Variants in MCM8 observed in about 807,000 individuals in gnomAD.
MCM8 encodes the protein minichromosome maintenance 8 homologous recombination repair factor.
In MCM8, 85 loss-of-function variants were observed where a neutral mutation model predicts 98.9. The ratio of observed to expected loss-of-function variants is 0.86; its 90% CI spans 0.72 to 1.03. The LOEUF (loss-of-function observed/expected upper bound fraction) is 1.03. MCM8 is among the 50% of genes least tolerant of loss of function. The probability of loss-of-function intolerance (pLI) is 0.00; values close to 1 mark genes in which losing one functional copy is unlikely to be tolerated. For synonymous variants in MCM8, 352 were observed against 338.6 expected, an observed-to-expected ratio of 1.04 and a Z score of -0.44; for missense variants, 951 against 997.8, an observed-to-expected ratio of 0.95 and a Z score of 0.63.
rs1225494049 is a variant in MCM8, at chr20:5,998,916, T to C, written c.*4525T>C. On this transcript the variant is annotated 3_prime_UTR_variant, in exon 19 of 19. Coordinates refer to ENST00000610722, the MANE Select transcript of MCM8 (RefSeq NM_032485.6). The stretch of plus-strand genomic sequence containing the variant: ...CCTATTGAATTCCATCATCAGTTTT[T>C]CTATACCATGGAGTTACTTACCATG... 1.3e-5 allele frequency: 2 copies of C among 152,142 alleles called. No homozygotes were observed. The highest frequency in any genetic ancestry group is 2.9e-5 in the Non-Finnish European group (2 of 68,034). 9.4% of individuals were successfully genotyped at this position (152,142 alleles called of 1,614,324 possible).
intron 12 of MCM8, among the ~76,000 whole-genome samples, chr20:5,973,901 C>T (rs1173271868): frequency 6.6e-6 from 1 of 152,100 alleles, no homozygotes. Context: ...GTGATCCACC[C>T]ACCTTAACCT....
At chr20:5,953,716 G>A (rs548394322) in intron 3 of MCM8, among the ~76,000 whole-genome samples, 6 of 151,450 alleles carry the variant, frequency 4.0e-5, no homozygotes, top group African/African-American at 7.3e-5. Context: ...CTCGTTATCC[G>A]CCCGCCTCGG....
rs1473128568 is a variant in MCM8 at position 5,967,506 on chromosome 20, G to A, written c.946G>A (p.Val316Ile). The A allele has an allele frequency of 1.2e-6, 2 of 1,614,106 alleles. No homozygotes were observed. Among genetic ancestry groups the A allele is most frequent in the East Asian group, 2.2e-5 (1 of 44,878 alleles). ...TCCACGAACAATAGAATGTGAGCTT[G>A]TTCATGATCTTGTGGATAGCTGTGT... The part of the protein sequence containing the change: ...RIPRTIECEL[V>I]HDLVDSCVPG... Residue 316 changes from valine (V) to isoleucine (I), a missense_variant, in exon 9 of 19, where the codon GTT becomes ATT. Val to Ile is a conservative substitution (Grantham distance 29). Coordinates refer to ENST00000610722, the MANE Select transcript of MCM8 (RefSeq NM_032485.6).
At position 5,955,173 on chromosome 20, in the gene MCM8, C is replaced by T. The variant is rs148392140; in HGVS notation, c.408C>T (p.Asn136=). 18 of 1,613,820 alleles carry T rather than the reference C, an allele frequency of 1.1e-5. No individual in the cohort carries two copies. The African/African-American group carries it at 2.1e-4, about 19-fold the overall frequency. ...TGACAGAAGGTGGTGAAGTAACTAA[C>T]TTGATACCAGATATAGCAACTGAAC... ...KELTEGGEVT[N]LIPDIATELR... Residue 136 remains asparagine (N), a synonymous_variant, in exon 5 of 19, where the codon AAC becomes AAT. Transcript: ENST00000610722.
At chr20:5,969,456 A>G (rs1363166602) in intron 10 of MCM8, among the ~76,000 whole-genome samples, 1 of 152,188 alleles carries the variant, frequency 6.6e-6, no homozygotes, top group Admixed American at 6.5e-5. Flanking sequence ...GCTGGGCATG[A>G]TGGCAGGTGC....
chr20:5,994,667 G>A lies in MCM8; in HGVS notation c.*276G>A. On this transcript the variant is annotated 3_prime_UTR_variant, in exon 19 of 19. Coordinates refer to ENST00000610722, the MANE Select transcript of MCM8 (RefSeq NM_032485.6). ...TAATCACAGTGACTCAGGAGGCTGAGGTGAGAGGATTCCTTGAGGCCAGGG... is the reference window on the plus strand; with the variant it reads ...TAATCACAGTGACTCAGGAGGCTGAAGTGAGAGGATTCCTTGAGGCCAGGG... 2 of 483,794 alleles carry A rather than the reference G, an allele frequency of 4.1e-6. No individual in the cohort carries two copies. The highest frequency in any genetic ancestry group is 7.8e-6 in the Non-Finnish European group (2 of 254,834). 30.0% of individuals were successfully genotyped at this position (483,794 alleles called of 1,614,324 possible).
At chr20:5,974,198 C>G (rs924431303) in intron 12 of MCM8, among the ~76,000 whole-genome samples, 6 of 152,288 alleles carry the variant, frequency 3.9e-5, no homozygotes, top group Non-Finnish European at 5.9e-5. Context: ...AGTGGCGCAA[C>G]TTTGGCTTAC....
intron 7 of MCM8, among the ~76,000 whole-genome samples, 194 bp from the exon 8 acceptor site, chr20:5,963,080 G>A (rs981967498): frequency 6.6e-6 from 1 of 152,206 alleles, no homozygotes; most frequent in African/African-American, 2.4e-5. Context: ...ATTGGAAAGT[G>A]CCTCAAAAGC....
chr20:5,971,763 A>G (rs1002086524), intron 10 of MCM8, among the ~76,000 whole-genome samples: 1 of 152,208 alleles, frequency 6.6e-6, no homozygotes, highest in Non-Finnish European at 1.5e-5. Context: ...GTATTTAGTT[A>G]CTTTAAGATG....
intron 11 of MCM8, 48 bp from the exon 12 acceptor site, chr20:5,973,008 C>T: frequency 6.2e-7 from 1 of 1,604,786 alleles, no homozygotes; most frequent in South Asian, 1.1e-5. Flanking sequence ...TACTAGTCAC[C>T]TTTATGTTTT....
chr20:5,955,300 GCA>G lies in MCM8; in HGVS notation c.486+56_486+57del, dbSNP rs772019525. 5 of 1,474,028 alleles carry G rather than the reference GCA, an allele frequency of 3.4e-6. 1 individual carries two copies. In the South Asian group the frequency reaches 3.7e-5, roughly 11 times the overall value. 91.3% of individuals were successfully genotyped at this position (1,474,028 alleles called of 1,614,324 possible). ...TTTTGTCTAAACTTTTTTAATGTTT[GCA>G]CACACATGCACACCTTGTCTAAGTT... On this transcript the variant is annotated intron_variant, in intron 5 of 18. Transcript: ENST00000610722.
chr20:5,977,552 C>T (rs974384888), intron 12 of MCM8, among the ~76,000 whole-genome samples: 1 of 152,096 alleles, frequency 6.6e-6, no homozygotes, highest in Non-Finnish European at 1.5e-5. Flanking sequence ...TTTTGCTTTT[C>T]GAACTTGAAA....
chr20:5,962,131 A>G (rs1218231556), intron 7 of MCM8, among the ~76,000 whole-genome samples: 1 of 152,138 alleles, frequency 6.6e-6, no homozygotes, highest in Non-Finnish European at 1.5e-5. Context: ...TGTGTGGGCT[A>G]GTTTGGGCTT....
At chr20:5,957,736 C>CA (rs1232263574) in intron 6 of MCM8, among the ~76,000 whole-genome samples, 1 of 152,174 alleles carries the variant, frequency 6.6e-6, no homozygotes, top group Non-Finnish European at 1.5e-5. Context: ...GGGATATACT[C>CA]AGTCTGTAAT....
chr20:5,976,817 G>GA (rs2089520960), intron 12 of MCM8, among the ~76,000 whole-genome samples: 1 of 152,188 alleles, frequency 6.6e-6, no homozygotes, highest in East Asian at 1.9e-4. Flanking sequence ...TCTGCTAGGA[G>GA]AGAGTCACTC....
At chr20:5,953,598 C>T (rs563351484) in intron 3 of MCM8, among the ~76,000 whole-genome samples, 1 of 152,046 alleles carries the variant, frequency 6.6e-6, no homozygotes, top group East Asian at 1.9e-4. Context: ...CTCAGCCTCC[C>T]GAGTAGCTGG....
intron 10 of MCM8, among the ~76,000 whole-genome samples, chr20:5,969,423 C>T (rs2089351941): frequency 6.6e-6 from 1 of 152,014 alleles, no homozygotes; most frequent in Non-Finnish European, 1.5e-5. Flanking sequence ...GAAACCCTGT[C>T]TCTACTAAAA....
Position 5,967,842 on chromosome 20 carries a change from A to T in MCM8, c.1040A>T (p.Lys347Met). ...VSNAEEGSRN[K>M]NDKCMFLLYI... ...TTTTAATTTACAGGTTCTCGAAATA[A>T]GAATGACAAGTGTATGTTCCTTTTG... Residue 347 changes from lysine to methionine, a missense_variant, in exon 10 of 19, where the codon AAG becomes ATG. Coordinates refer to ENST00000610722, the MANE Select transcript of MCM8 (RefSeq NM_032485.6). 3 of 1,602,754 alleles carry T rather than the reference A, an allele frequency of 1.9e-6. No homozygotes were observed. The highest frequency in any genetic ancestry group is 2.6e-6 in the Non-Finnish European group (3 of 1,175,714).
chr20:5,994,086 T>C (rs906930877), intron 18 of MCM8, among the ~76,000 whole-genome samples: 1 of 152,156 alleles, frequency 6.6e-6, no homozygotes, highest in African/African-American at 2.4e-5. Flanking sequence ...AAATGTAAAA[T>C]ATTCTCTGCA....
Sources: gnomAD v4.1 joint callset for allele counts (sites outside exome capture counted in the v4.1 genomes callset) on GRCh38, gnomAD v4.1.1 for gene constraint, MANE v1.5 for transcripts, NCBI Gene and HGNC (gene_info 2026-07-23, HGNC 2026-07-21) for gene names.